TMCC1: variants seen among roughly 807,000 people sequenced by gnomAD.
TMCC1 encodes the protein transmembrane and coiled-coil domain family 1, also known as transmembrane and coiled-coil domains protein 1.
In TMCC1, 15 loss-of-function variants were observed where a neutral mutation model predicts 52.4. That is an observed-to-expected ratio of 0.29 (90% CI 0.19 to 0.44). The LOEUF is 0.44. Ranked by LOEUF, TMCC1 falls within the 20% of genes least tolerant of loss-of-function variation. TMCC1 has a pLI of 1.00. For missense variants in TMCC1, 503 were observed against 806.0 expected (o/e 0.62, Z 4.55); for synonymous variants, 279 against 301.9 (o/e 0.92, Z 0.79).
chr3:129,770,239 G>A (rs933995447), intron 4 of TMCC1, among the ~76,000 whole-genome samples: 1 of 152,174 alleles, frequency 6.6e-6, no homozygotes, highest in African/African-American at 2.4e-5. Context: ...GTTTCAGCTG[G>A]ATGCAGTGGC....
At chr3:129,675,306 G>A (rs1259244717) in intron 4 of TMCC1, among the ~76,000 whole-genome samples, 1 of 152,254 alleles carries the variant, frequency 6.6e-6, no homozygotes, top group Non-Finnish European at 1.5e-5. Flanking sequence ...ATATAGTACA[G>A]TAGTGAAGCA....
At chr3:129,859,094 T>C (rs897223798) in intron 2 of TMCC1, among the ~76,000 whole-genome samples, 3 of 152,180 alleles carry the variant, frequency 2.0e-5, no homozygotes, top group African/African-American at 7.2e-5. Context: ...TTTCAAGATT[T>C]TGACTGCTCA....
chr3:129,845,428 C>T (rs548575305), intron 2 of TMCC1, among the ~76,000 whole-genome samples: 67 of 152,176 alleles, frequency 4.4e-4, no homozygotes, highest in African/African-American at 1.6e-3. Flanking sequence ...CTAAATATTA[C>T]TTTTTTACTC....
intron 4 of TMCC1, among the ~76,000 whole-genome samples, chr3:129,690,846 C>T (rs1301118677): frequency 1.3e-5 from 2 of 152,138 alleles, no homozygotes; most frequent in Admixed American, 6.5e-5. Context: ...AAAAAAATTA[C>T]CTTTTCACAT....
chr3:129,663,516 A>G (rs1236748455), intron 5 of TMCC1, among the ~76,000 whole-genome samples: 2 of 152,044 alleles, frequency 1.3e-5, no homozygotes, highest in Non-Finnish European at 2.9e-5. Flanking sequence ...AATTGGGGAG[A>G]GTGGATTTTT....
intron 4 of TMCC1, among the ~76,000 whole-genome samples, chr3:129,673,660 G>A (rs574035283): frequency 2.6e-5 from 4 of 152,264 alleles, no homozygotes; most frequent in African/African-American, 9.6e-5. Flanking sequence ...GGAACAGCCT[G>A]GGCAACATGG....
chr3:129,687,875 A>C (rs1368062994), intron 4 of TMCC1, among the ~76,000 whole-genome samples: 14 of 152,242 alleles, frequency 9.2e-5, no homozygotes, highest in African/African-American at 3.4e-4. Flanking sequence ...TAGAAAAAGC[A>C]GGGAAAAAAA....
intron 2 of TMCC1, among the ~76,000 whole-genome samples, chr3:129,874,186 A>C (rs2061073012): frequency 6.6e-6 from 1 of 152,240 alleles, no homozygotes; most frequent in Non-Finnish European, 1.5e-5. Flanking sequence ...ATTCAAAATG[A>C]GTTTGAAATA....
At chr3:129,675,526 T>C (rs573756333) in intron 4 of TMCC1, among the ~76,000 whole-genome samples, 8 of 152,336 alleles carry the variant, frequency 5.3e-5, no homozygotes, top group African/African-American at 1.2e-4. Context: ...TTTTGTACCA[T>C]GAAAGTGGTT....
At chr3:129,665,106 C>G (rs2087346596) in intron 5 of TMCC1, among the ~76,000 whole-genome samples, 1 of 152,182 alleles carries the variant, frequency 6.6e-6, no homozygotes, top group Admixed American at 6.5e-5. Flanking sequence ...CTGCCTTCCC[C>G]AAATACATGA....
At chr3:129,873,314 C>T (rs78793912) in intron 2 of TMCC1, among the ~76,000 whole-genome samples, 2,142 of 148,278 alleles carry the variant, frequency 0.014, 52 homozygotes, top group African/African-American at 0.05. Context: ...TGTGGACATA[C>T]GAAAAACCCA....
intron 4 of TMCC1, among the ~76,000 whole-genome samples, chr3:129,762,665 C>T (rs988669460): frequency 1.3e-5 from 2 of 152,016 alleles, no homozygotes; most frequent in African/African-American, 2.4e-5. Flanking sequence ...ACCTATGGTC[C>T]CAGCTACTTG....
intron 4 of TMCC1, among the ~76,000 whole-genome samples, chr3:129,823,214 T>C (rs1310499978): frequency 6.6e-6 from 1 of 151,944 alleles, no homozygotes; most frequent in Non-Finnish European, 1.5e-5. Context: ...TAATCTCAGC[T>C]ACTTGGGAGG....
chr3:129,759,157 C>T (rs2107671611), intron 4 of TMCC1, among the ~76,000 whole-genome samples: 1 of 152,270 alleles, frequency 6.6e-6, no homozygotes, highest in East Asian at 1.9e-4. Flanking sequence ...GTTAGATAAA[C>T]CACCAGATAT....
intron 2 of TMCC1, among the ~76,000 whole-genome samples, chr3:129,844,608 C>T (rs1340327226): frequency 6.6e-6 from 1 of 152,168 alleles, no homozygotes. Context: ...CTTCTCTCAC[C>T]ATTCCTGAAC....
intron 4 of TMCC1, among the ~76,000 whole-genome samples, chr3:129,678,319 A>G (rs2088643510): frequency 6.6e-6 from 1 of 151,370 alleles, no homozygotes; most frequent in South Asian, 2.1e-4. Context: ...GCTATGTGCT[A>G]AGCACTGTTC....
chr3:129,662,555 T>A (rs1432468460), intron 5 of TMCC1, among the ~76,000 whole-genome samples: 1 of 152,092 alleles, frequency 6.6e-6, no homozygotes, highest in Non-Finnish European at 1.5e-5. Context: ...CGACAATTGC[T>A]TGAAACCGTG....
chr3:129,883,130 A>C (rs889238496), intron 1 of TMCC1, among the ~76,000 whole-genome samples: 29 of 146,792 alleles, frequency 2.0e-4, no homozygotes, highest in Non-Finnish European at 2.7e-4. Context: ...CTCTACTAAA[A>C]ACACACACAC....
Position 129,680,547 on chromosome 3 carries a change from A to G in TMCC1, c.577-9283T>C, listed in dbSNP as rs114372302. Among the ~76,000 whole-genome samples the G allele has an allele frequency of 4.6e-3, 697 of 152,290 alleles. 10 individuals are homozygous for G. Among genetic ancestry groups the G allele is most frequent in the African/African-American group, 0.016 (662 of 41,530 alleles). On this transcript the variant is annotated intron_variant, in intron 4 of 6. Coordinates refer to ENST00000393238, the MANE Select transcript of TMCC1 (RefSeq NM_001017395.5). ...CTTGCTATTCACTGCGTCGCTTGTC[A>G]TAAGTCATAACCACTACCACTTGAG...
Sources: allele counts gnomAD v4.1 joint callset (sites outside exome capture counted in the v4.1 genomes callset), GRCh38; gene constraint gnomAD v4.1.1; transcripts MANE v1.5; gene names NCBI Gene and HGNC (gene_info 2026-07-23, HGNC 2026-07-21).